The following MARK1 variants were observed in gnomAD, a reference collection of about 807,000 sequenced individuals.
MARK1 encodes the protein serine/threonine-protein kinase MARK1.
Under a neutral mutation model 96.3 loss-of-function variants are expected in MARK1, and 40 were observed. The observed-to-expected ratio is 0.42, with a 90% CI of 0.32 to 0.54. MARK1 has a LOEUF of 0.54. Ranked by LOEUF, MARK1 falls within the 20% of genes least tolerant of loss-of-function variation. The pLI is 0.16. For missense variants in MARK1, 719 were observed against 984.6 expected (o/e 0.73, Z 3.61); for synonymous variants, 317 against 341.2 (o/e 0.93, Z 0.78).
At chr1:220,584,835 G>A (rs533061969) in intron 3 of MARK1, among the ~76,000 whole-genome samples, 1 of 152,280 alleles carries the variant, frequency 6.6e-6, no homozygotes, top group Admixed American at 6.5e-5. Flanking sequence ...CTTAACAAAT[G>A]TCACTATTGG....
intron 1 of MARK1, among the ~76,000 whole-genome samples, chr1:220,533,069 A>G (rs947079136): frequency 3.3e-5 from 5 of 152,118 alleles, no homozygotes; most frequent in African/African-American, 1.2e-4. Flanking sequence ...ACTTTATTAG[A>G]GGAAGAACAG....
intron 1 of MARK1, among the ~76,000 whole-genome samples, chr1:220,549,764 G>C (rs1055258029): frequency 6.6e-6 from 1 of 152,138 alleles, no homozygotes; most frequent in Admixed American, 6.6e-5. Context: ...ACATTCCTGG[G>C]GTTTATCCCG....
intron 9 of MARK1, among the ~76,000 whole-genome samples, chr1:220,621,706 G>C (rs1025790206): frequency 2.0e-5 from 3 of 151,834 alleles, no homozygotes; most frequent in Admixed American, 2.0e-4. Flanking sequence ...CATCATGAAT[G>C]TTTTTTCAGT....
chr1:220,568,142 A>G (rs955476352), intron 1 of MARK1, among the ~76,000 whole-genome samples: 1 of 152,104 alleles, frequency 6.6e-6, no homozygotes. Flanking sequence ...TGATATTTGT[A>G]CTTTCTCAGA....
intron 9 of MARK1, chr1:220,626,415 G>C (rs1051692344): frequency 5.5e-6 from 3 of 546,288 alleles, no homozygotes; most frequent in Non-Finnish European, 1.1e-5. Context: ...TTAACTACCT[G>C]CTCCGAGATG....
At position 220,652,095 on chromosome 1, in the gene MARK1, C is replaced by G; in HGVS notation, c.1681C>G (p.Pro561Ala). The G allele has an allele frequency of 6.2e-7, 1 of 1,613,692 alleles. No individual in the cohort carries two copies. The highest frequency in any genetic ancestry group is 1.1e-5 in the South Asian group (1 of 91,054). ...GAAGTCCATGTCCACTTCTGGTCAT[C>G]CTATTAAAGTCACACTGCCAACCAT... is the stretch of plus-strand genomic sequence containing the variant. ...HQKSMSTSGH[P>A]IKVTLPTIKD... Residue 561 changes from proline (P) to alanine (A), a missense_variant, in exon 15 of 18, where the codon CCT (proline) becomes GCT (alanine). By Grantham distance (27) the Pro-to-Ala change is conservative. Transcript: ENST00000366917.
intron 3 of MARK1, among the ~76,000 whole-genome samples, chr1:220,591,892 G>A (rs6675217): frequency 0.011 from 1,712 of 151,674 alleles, 25 homozygotes; most frequent in African/African-American, 0.039. Flanking sequence ...AATGACACTC[G>A]GGCAGCAATC....
intron 13 of MARK1, among the ~76,000 whole-genome samples, chr1:220,641,278 G>A (rs1475693816): frequency 1.3e-5 from 2 of 152,194 alleles, no homozygotes; most frequent in African/African-American, 4.8e-5. Flanking sequence ...CCTAAAGGTG[G>A]TAGTATTAGA....
chr1:220,601,602 T>C (rs1351090916), intron 5 of MARK1, among the ~76,000 whole-genome samples: 1 of 152,206 alleles, frequency 6.6e-6, no homozygotes, highest in African/African-American at 2.4e-5. Flanking sequence ...CTTTTAGTGA[T>C]ATAAAATTTA....
intron 6 of MARK1, among the ~76,000 whole-genome samples, chr1:220,609,634 A>C (rs1168948081): frequency 1.3e-5 from 2 of 152,184 alleles, no homozygotes; most frequent in Non-Finnish European, 1.5e-5. Context: ...TAATTGATGC[A>C]GTTTCTTCAT....
chr1:220,627,287 G>A (rs929203141), intron 9 of MARK1: 8 of 501,882 alleles, frequency 1.6e-5, no homozygotes, highest in Middle Eastern at 3.2e-4. Flanking sequence ...GTGAGAGAGG[G>A]TGGCCACAAG....
intron 13 of MARK1, among the ~76,000 whole-genome samples, chr1:220,642,440 G>C (rs1252945718): frequency 6.6e-6 from 1 of 152,182 alleles, no homozygotes; most frequent in Non-Finnish European, 1.5e-5. Flanking sequence ...CTCCCTGCAG[G>C]AATCCCAGCA....
chr1:220,629,729 T>C (rs1667561734), intron 9 of MARK1, among the ~76,000 whole-genome samples: 1 of 152,218 alleles, frequency 6.6e-6, no homozygotes, highest in South Asian at 2.1e-4. Flanking sequence ...GATTGGCTTA[T>C]TTCACTTAGC....
Position 220,664,236 on chromosome 1 carries a change from T to G in MARK1, c.*2070T>G, listed in dbSNP as rs1398290317. ...AGAAAGGAATTTGACTTCAATATCTTTTATGAACTAAAAATGAAATCTTGA... is the reference window on the plus strand; with the variant it reads ...AGAAAGGAATTTGACTTCAATATCTGTTATGAACTAAAAATGAAATCTTGA... On this transcript the variant is annotated 3_prime_UTR_variant, in exon 18 of 18. Coordinates refer to ENST00000366917, the MANE Select transcript of MARK1 (RefSeq NM_018650.5). 1 of 152,238 alleles carries G rather than the reference T, an allele frequency of 6.6e-6. No individual in the cohort carries two copies. The highest frequency in any genetic ancestry group is 1.9e-4 in the East Asian group (1 of 5,204). The allele number at this position is 152,238 out of a possible 1,614,324, so 9.4% of individuals were successfully genotyped here.
chr1:220,642,185 C>T (rs1201814567), intron 13 of MARK1, among the ~76,000 whole-genome samples: 1 of 152,236 alleles, frequency 6.6e-6, no homozygotes, highest in Non-Finnish European at 1.5e-5. Flanking sequence ...GAGCCACTGA[C>T]TTGGAATCCC....
At chr1:220,535,025 T>C (rs1218792718) in intron 1 of MARK1, among the ~76,000 whole-genome samples, 1 of 152,136 alleles carries the variant, frequency 6.6e-6, no homozygotes, top group Non-Finnish European at 1.5e-5. Flanking sequence ...ATTTTAGTTT[T>C]TTGGATAAAT....
chr1:220,593,545 A>G (rs1665129575), intron 3 of MARK1, among the ~76,000 whole-genome samples: 1 of 152,138 alleles, frequency 6.6e-6, no homozygotes, highest in Non-Finnish European at 1.5e-5. Context: ...TAAGAAAAAA[A>G]ATAGGTTGAA....
chr1:220,591,215 A>T (rs1441860586), intron 3 of MARK1, among the ~76,000 whole-genome samples: 1 of 152,200 alleles, frequency 6.6e-6, no homozygotes, highest in South Asian at 2.1e-4. Flanking sequence ...AAATAAAAAA[A>T]CACCCCAATA....
At position 220,664,359 on chromosome 1, in the gene MARK1, C is replaced by G. The variant is rs1669632923; in HGVS notation, c.*2193C>G. ...GCAATGTGTTTGCATAAATAAATAC[C>G]AGTTTATGTTCACCGGCTATGTGAT... On this transcript the variant is annotated 3_prime_UTR_variant, in exon 18 of 18. Transcript: ENST00000366917. 6.6e-6 allele frequency: 1 copy of G among 151,946 alleles called. No individual in the cohort carries two copies. Among genetic ancestry groups the G allele is most frequent in the Non-Finnish European group, 1.5e-5 (1 of 67,986 alleles). 9.4% of individuals were successfully genotyped at this position (151,946 alleles called of 1,614,324 possible).
Sources: gnomAD v4.1 joint callset for allele counts (sites outside exome capture counted in the v4.1 genomes callset) on GRCh38, gnomAD v4.1.1 for gene constraint, MANE v1.5 for transcripts, NCBI Gene and HGNC (gene_info 2026-07-23, HGNC 2026-07-21) for gene names.